The following COPG1 variants were observed in gnomAD, a reference collection of about 807,000 sequenced individuals.
COPG1 encodes coatomer subunit gamma-1.
COPG1 carries 29 observed loss-of-function variants against 102.8 expected under a neutral mutation model. The observed-to-expected ratio is 0.28, with a 90% CI of 0.21 to 0.38. The LOEUF is 0.38. Ranked by LOEUF, COPG1 falls within the 10% of genes least tolerant of loss-of-function variation. COPG1 has a pLI of 1.00. For missense variants in COPG1, 875 were observed against 1,132.7 expected (o/e 0.77, Z 3.27); for synonymous variants, 406 against 421.6 (o/e 0.96, Z 0.45).
In COPG1 at chr3:129,256,162, G is replaced by A. The variant is rs758597156; in HGVS notation, c.579+8G>A. On this transcript the variant is annotated splice_region_variant and intron_variant, in intron 8 of 23. Coordinates refer to ENST00000314797, the MANE Select transcript of COPG1 (RefSeq NM_016128.4). ...GATAACATCATGGTCCAGGTGAGATGTGAGCAAGGGAGTGATATTTAAAAC... is the reference window on the plus strand; with the variant it reads ...GATAACATCATGGTCCAGGTGAGATATGAGCAAGGGAGTGATATTTAAAAC... 31 of 1,612,188 alleles carry A rather than the reference G, an allele frequency of 1.9e-5. No individual in the cohort carries two copies. The South Asian group carries it at 3.0e-4, about 15-fold the overall frequency.
In COPG1 at chr3:129,249,661, C is replaced by T. The variant is rs556478515; in HGVS notation, c.-49C>T. On this transcript the variant is annotated 5_prime_UTR_variant, in exon 1 of 24. Coordinates refer to ENST00000314797, the MANE Select transcript of COPG1 (RefSeq NM_016128.4). ...CCACTGTGGCACCGCTACTCCGTGC[C>T]GCGCCCGTCGAGCATTGCGTTGCTG... 3.9e-6 allele frequency: 6 copies of T among 1,548,296 alleles called. No individual in the cohort carries two copies. The highest frequency in any genetic ancestry group is 1.4e-5 in the African/African-American group (1 of 73,110).
intron 13 of COPG1, among the ~76,000 whole-genome samples, chr3:129,264,773 A>G (rs925736644): frequency 4.0e-5 from 6 of 150,770 alleles, no homozygotes; most frequent in Non-Finnish European, 7.4e-5. Flanking sequence ...GTGAGCCATC[A>G]TGCCTGGCCA....
chr3:129,267,985 C>T lies in COPG1; in HGVS notation c.1593C>T (p.Tyr531=), dbSNP rs769977893. 1.2e-6 allele frequency: 2 copies of T among 1,613,998 alleles called. No individual in the cohort carries two copies. Among genetic ancestry groups the T allele is most frequent in the East Asian group, 4.5e-5 (2 of 44,874 alleles). The change falls in exon 16 of 24, where the codon TAC becomes TAT. Residue 531 remains tyrosine (Y), a synonymous_variant. Coordinates refer to ENST00000314797, the MANE Select transcript of COPG1 (RefSeq NM_016128.4). ...DNEVRDRATF[Y]LNVLEQKQKA... is the part of the protein sequence containing the mutation. ...AAGTAAGGGACCGAGCCACCTTCTA[C>T]CTAAATGTCCTGGAGCAGAAGCAGA... is the stretch of plus-strand genomic sequence containing the variant.
chr3:129,249,779 C>T lies in COPG1; in HGVS notation c.37+33C>T, dbSNP rs199848205. Reference sequence around the variant, plus strand: ...GGCCAGGCCTGGGTCTGAGGGAGGCCGGACCCCCACCCGCCGAGCTTTCCT... The same window carrying T: ...GGCCAGGCCTGGGTCTGAGGGAGGCTGGACCCCCACCCGCCGAGCTTTCCT... On this transcript the variant is annotated intron_variant, in intron 1 of 23. Transcript: ENST00000314797. 190 of 1,538,318 alleles carry T rather than the reference C, an allele frequency of 1.2e-4. 1 individual carries two copies. In the East Asian group the frequency reaches 4.1e-3, roughly 33 times the overall value.
chr3:129,255,142 A>C, intron 7 of COPG1, 65 bp downstream of exon 7: 1 of 992,736 alleles, frequency 1.0e-6, no homozygotes, highest in Non-Finnish European at 1.6e-6. Flanking sequence ...TTTAAGAGTC[A>C]CATTCCAGTA....
At position 129,274,965 on chromosome 3, in the gene COPG1, A is replaced by G; in HGVS notation, c.2384A>G (p.Lys795Arg). The G allele has an allele frequency of 6.2e-7, 1 of 1,614,212 alleles. No homozygotes were observed. Reference protein sequence around the residue: ...KEETFTLSTIKTLEEAVGNIV... With the variant: ...KEETFTLSTIRTLEEAVGNIV... The stretch of plus-strand genomic sequence containing the variant: ...GAAACGTTCACCTTGTCTACCATCA[A>G]GACACTTGAAGGTAAAATCCTGGGA... The change falls in exon 22 of 24, where the codon AAG becomes AGG. Residue 795 changes from lysine (K) to arginine (R), a missense_variant. Lys to Arg is a conservative substitution (Grantham distance 26). Coordinates refer to ENST00000314797, the MANE Select transcript of COPG1 (RefSeq NM_016128.4).
chr3:129,267,163 T>G (rs1225317933), intron 15 of COPG1, 64 bp downstream of exon 15: 1 of 1,287,932 alleles, frequency 7.8e-7, no homozygotes, highest in Non-Finnish European at 1.1e-6. Context: ...AGCTTTCCTT[T>G]GTCTTTATTT....
Position 129,257,769 on chromosome 3 carries a change from C to T in COPG1, c.780C>T (p.Arg260=), listed in dbSNP as rs201593901. ...TTGACTTCATCGAGAGCTGCTTGCG[C>T]AACAAGCACGAGATGGTGGTGTATG... is the stretch of plus-strand genomic sequence containing the variant. ...PLFDFIESCL[R]NKHEMVVYEA... is the part of the protein sequence containing the mutation. Residue 260 remains arginine, a synonymous_variant, in exon 10 of 24, where the codon CGC becomes CGT. Transcript: ENST00000314797. 3 of 1,614,168 alleles carry T rather than the reference C, an allele frequency of 1.9e-6. No individual in the cohort carries two copies. Among genetic ancestry groups the T allele is most frequent in the East Asian group, 4.5e-5 (2 of 44,870 alleles).
intron 12 of COPG1, among the ~76,000 whole-genome samples, chr3:129,262,057 A>G (rs535360583): frequency 2.2e-4 from 34 of 152,166 alleles, no homozygotes; most frequent in Non-Finnish European, 3.5e-4. Context: ...GCAGCAGTCT[A>G]CTCTGCCTGT....
intron 5 of COPG1, 113 bp downstream of exon 5, chr3:129,253,068 G>T: frequency 1.1e-6 from 1 of 872,010 alleles, no homozygotes. Flanking sequence ...TGCCCACCCC[G>T]TGGCAGCTTC....
In COPG1 at chr3:129,277,597, G is replaced by T; in HGVS notation, c.*173G>T. The T allele has an allele frequency of 4.2e-6, 2 of 478,058 alleles. No individual in the cohort carries two copies. Among genetic ancestry groups the T allele is most frequent in the East Asian group, 4.0e-5 (1 of 24,934 alleles). 29.6% of individuals were successfully genotyped at this position (478,058 alleles called of 1,614,324 possible). On this transcript the variant is annotated 3_prime_UTR_variant, in exon 24 of 24. Transcript: ENST00000314797. ...ACCTCCCACCCGGGACTACTTGCTGGTGACTTTTTTTTTTTTTTTTTTTAA... is the reference window on the plus strand; with the variant it reads ...ACCTCCCACCCGGGACTACTTGCTGTTGACTTTTTTTTTTTTTTTTTTTAA...
Position 129,263,244 on chromosome 3 carries a change from C to T in COPG1, c.1129-660C>T, listed in dbSNP as rs76255626. Among the ~76,000 whole-genome samples the T allele has an allele frequency of 4.7e-4, 72 of 152,064 alleles. No individual in the cohort carries two copies. In the East Asian group the frequency reaches 0.013, roughly 27 times the overall value. ...GATGCCATTTTCTACTTTGAGCTGA[C>T]AGTGGTGCTCTTGACTAGTTTGCAG... On this transcript the variant is annotated intron_variant, in intron 12 of 23. Transcript: ENST00000314797.
rs752735747 is a variant in COPG1, at chr3:129,268,932, A to G, written c.1775A>G (p.Glu592Gly). ...ATAPMAEQRT[E>G]STPITAVKQP... is the part of the protein sequence containing the mutation. ...TCACGTGTATAATTTGCTCCTGCAG[A>G]AAGTACCCCCATCACAGCAGTCAAA... is the stretch of plus-strand genomic sequence containing the variant. Residue 592 changes from glutamate to glycine, a missense_variant and splice_region_variant, in exon 18 of 24, where the codon GAA (glutamate) becomes GGA (glycine). By Grantham distance (98) the Glu-to-Gly change is moderately conservative. Coordinates refer to ENST00000314797, the MANE Select transcript of COPG1 (RefSeq NM_016128.4). 1 of 1,614,130 alleles carries G rather than the reference A, an allele frequency of 6.2e-7. No homozygotes were observed. Among genetic ancestry groups the G allele is most frequent in the South Asian group, 1.1e-5 (1 of 91,088 alleles).
At chr3:129,254,911 C>A in intron 6 of COPG1, 74 bp from the exon 7 acceptor site, 1 of 1,306,778 alleles carries the variant, frequency 7.7e-7, no homozygotes, top group Non-Finnish European at 1.1e-6. Flanking sequence ...CTCATCTCTG[C>A]CCCCATTCCT....
intron 11 of COPG1, 108 bp from the exon 12 acceptor site, chr3:129,260,511 C>G (rs1939905722): frequency 1.3e-6 from 2 of 1,509,020 alleles, no homozygotes; most frequent in East Asian, 4.5e-5. Flanking sequence ...TTAGTTTCTT[C>G]TAGATGGTGA....
intron 13 of COPG1, among the ~76,000 whole-genome samples, chr3:129,264,681 G>A (rs1940014768): frequency 6.6e-6 from 1 of 152,084 alleles, no homozygotes; most frequent in Non-Finnish European, 1.5e-5. Flanking sequence ...ATGGGGTCTT[G>A]CTGGGTTGCC....
intron 2 of COPG1, among the ~76,000 whole-genome samples, chr3:129,251,381 A>G (rs1939695421): frequency 6.8e-6 from 1 of 147,550 alleles, no homozygotes; most frequent in Non-Finnish European, 1.5e-5. Flanking sequence ...TTATATATAT[A>G]TATATATGTA....
chr3:129,254,755 C>A lies in COPG1; in HGVS notation c.399+12C>A. On this transcript the variant is annotated intron_variant, in intron 6 of 23. Transcript: ENST00000314797. ...GCCAGATCACTGATGTGAGTCGTGC[C>A]GGTTCCTCCCTGCTTCCTGGCCTCT... 2 of 1,610,578 alleles carry A rather than the reference C, an allele frequency of 1.2e-6. No individual in the cohort carries two copies. Among genetic ancestry groups the A allele is most frequent in the Non-Finnish European group, 8.5e-7 (1 of 1,177,068 alleles).
intron 21 of COPG1, among the ~76,000 whole-genome samples, chr3:129,274,468 C>G (rs1467662494): frequency 6.6e-6 from 1 of 152,064 alleles, no homozygotes; most frequent in Non-Finnish European, 1.5e-5. Context: ...CTCATCATCC[C>G]CTAGGAGGGA....
Sources: gnomAD v4.1 joint callset for allele counts (sites outside exome capture counted in the v4.1 genomes callset) on GRCh38, gnomAD v4.1.1 for gene constraint, MANE v1.5 for transcripts, NCBI Gene and HGNC (gene_info 2026-07-23, HGNC 2026-07-21) for gene names.